Variants in CDH4 observed in about 807,000 individuals in gnomAD.
CDH4 encodes cadherin 4, also known as cadherin-4.
A neutral mutation model predicts 86.0 loss-of-function variants in CDH4; 33 were observed. The ratio of observed to expected loss-of-function variants is 0.38; its 90% CI spans 0.29 to 0.51. The LOEUF (loss-of-function observed/expected upper bound fraction) is 0.51, where lower values mean the gene tolerates loss of function less well. Ranked by LOEUF, CDH4 falls within the 20% of genes least tolerant of loss-of-function variation. The probability of loss-of-function intolerance (pLI) is 0.86; values close to 1 mark genes in which losing one functional copy is unlikely to be tolerated. For synonymous variants in CDH4, 555 were observed against 549.4 expected (o/e 1.01, Z -0.14); for missense variants, 1,114 against 1,307.4 (o/e 0.85, Z 2.28).
chr20:61,566,896 C>T (rs970664463), intron 2 of CDH4, among the ~76,000 whole-genome samples: 61 of 152,028 alleles, frequency 4.0e-4, no homozygotes, highest in African/African-American at 1.4e-3. Context: ...ACAGATAATG[C>T]GGGAATGGAC....
intron 7 of CDH4, among the ~76,000 whole-genome samples, chr20:61,878,128 C>G (rs1428193697): frequency 6.6e-6 from 1 of 152,076 alleles, no homozygotes; most frequent in Non-Finnish European, 1.5e-5. Context: ...AGCTAAGGCC[C>G]CATCGTGGCC....
At chr20:61,641,440 C>T (rs2087008517) in intron 2 of CDH4, among the ~76,000 whole-genome samples, 1 of 152,200 alleles carries the variant, frequency 6.6e-6, no homozygotes, top group Non-Finnish European at 1.5e-5. Context: ...CTTCTCCTCC[C>T]AACCCCCTGC....
intron 4 of CDH4, among the ~76,000 whole-genome samples, chr20:61,833,028 TG>T (rs1277260354): frequency 6.6e-6 from 1 of 151,832 alleles, no homozygotes; most frequent in Admixed American, 6.6e-5. Flanking sequence ...GTCTGAGGGG[TG>T]GGCTGAGCAA....
Position 61,807,454 on chromosome 20 carries a change from A to G in CDH4, c.576+34272A>G, listed in dbSNP as rs765850663. ...CGGAATTTGAGGCTATTCAAGTTCA[A>G]TGTGTTGGATTTGGAAATCTCCCTC... On this transcript the variant is annotated intron_variant, in intron 4 of 15. Transcript: ENST00000614565. The surrounding 1 kb of genome is among the most constrained non-coding windows in gnomAD (Gnocchi z 4.5). 2.0e-5 allele frequency among the ~76,000 whole-genome samples: 3 copies of G among 152,180 alleles called. No homozygotes were observed. The highest frequency in any genetic ancestry group is 6.5e-5 in the Admixed American group (1 of 15,290).
At chr20:61,826,757 A>C (rs148474167) in intron 4 of CDH4, among the ~76,000 whole-genome samples, 134 of 152,332 alleles carry the variant, frequency 8.8e-4, no homozygotes, top group African/African-American at 3.1e-3. Flanking sequence ...CTAGGATAGC[A>C]TTCACTCACC....
chr20:61,374,359 C>T (rs1419597447), intron 2 of CDH4, among the ~76,000 whole-genome samples: 3 of 152,100 alleles, frequency 2.0e-5, no homozygotes, highest in African/African-American at 4.8e-5. Context: ...CTAGGGCACC[C>T]CATCTTGGCA....
intron 2 of CDH4, among the ~76,000 whole-genome samples, chr20:61,363,886 G>A (rs1178421611): frequency 6.6e-6 from 1 of 152,194 alleles, no homozygotes; most frequent in Admixed American, 6.5e-5. Flanking sequence ...TGTGAAAGTG[G>A]TAACAGTAGA....
intron 2 of CDH4, among the ~76,000 whole-genome samples, chr20:61,524,042 G>A (rs1188998248): frequency 6.6e-6 from 1 of 152,200 alleles, no homozygotes; most frequent in African/African-American, 2.4e-5. Context: ...CTTCCCAAAA[G>A]CATGGCAGCC....
chr20:61,731,511 C>T (rs142664344), intron 2 of CDH4, among the ~76,000 whole-genome samples: 1 of 152,218 alleles, frequency 6.6e-6, no homozygotes, highest in Non-Finnish European at 1.5e-5. Context: ...CTGGGCAGGT[C>T]CCCCCCAGGT....
At chr20:61,443,210 C>T (rs1236131101) in intron 2 of CDH4, among the ~76,000 whole-genome samples, 1 of 152,226 alleles carries the variant, frequency 6.6e-6, no homozygotes, top group Non-Finnish European at 1.5e-5. Flanking sequence ...CCCCTGCACG[C>T]TTATTTGTCG....
intron 3 of CDH4, among the ~76,000 whole-genome samples, chr20:61,764,908 C>T (rs937546060): frequency 2.0e-5 from 3 of 152,226 alleles, no homozygotes; most frequent in Non-Finnish European, 2.9e-5. Context: ...CTGCTGCCGC[C>T]TCCGTAAATC....
rs1417624074 is a variant in CDH4 at position 61,568,894 on chromosome 20, T to G, written c.170-174669T>G. Reference sequence around the variant, plus strand: ...TCACTGCTTTCTCCCCCAATGAGAGTGGAAGAGGTGACTTTTCTGCTCAGT... The same window carrying G: ...TCACTGCTTTCTCCCCCAATGAGAGGGGAAGAGGTGACTTTTCTGCTCAGT... On this transcript the variant is annotated intron_variant, in intron 2 of 15. Transcript: ENST00000614565. 2.0e-5 allele frequency among the ~76,000 whole-genome samples: 3 copies of G among 151,968 alleles called. No homozygotes were observed. The East Asian group carries it at 5.8e-4, about 29-fold the overall frequency.
At chr20:61,590,870 A>T (rs997435329) in intron 2 of CDH4, among the ~76,000 whole-genome samples, 1 of 61,872 alleles carries the variant, frequency 1.6e-5, no homozygotes, top group African/African-American at 6.4e-5. Flanking sequence ...GTCTTCCCTA[A>T]ATCTATGGGG....
chr20:61,826,307 T>C (rs1165137859), intron 4 of CDH4, among the ~76,000 whole-genome samples: 1 of 152,270 alleles, frequency 6.6e-6, no homozygotes, highest in Admixed American at 6.5e-5. Flanking sequence ...CCCTCGGCCA[T>C]GCCAGCTAAG....
intron 2 of CDH4, among the ~76,000 whole-genome samples, chr20:61,523,244 C>T (rs983563829): frequency 1.3e-5 from 2 of 152,250 alleles, no homozygotes; most frequent in Admixed American, 6.5e-5. Flanking sequence ...GGCCTCATCT[C>T]AGGCCACGGC....
At chr20:61,885,299 C>G (rs1425728953) in intron 7 of CDH4, among the ~76,000 whole-genome samples, 1 of 152,202 alleles carries the variant, frequency 6.6e-6, no homozygotes, top group East Asian at 1.9e-4. Flanking sequence ...TTCTCCTCGA[C>G]TCCCTTACCC....
rs1568688461 is a variant in CDH4, at chr20:61,565,219, G to GCT, written c.170-178344_170-178343insCT. Reference sequence around the variant, plus strand: ...TGGTGGTGGTCGCGGTGCTCTCGGTGGTAGGTGGTGGTGGTGGTGGTGGCG... The same window carrying GCT: ...TGGTGGTGGTCGCGGTGCTCTCGGTGCTGTAGGTGGTGGTGGTGGTGGTGGCG... On this transcript the variant is annotated intron_variant, in intron 2 of 15. Transcript: ENST00000614565. 2.1e-4 allele frequency among the ~76,000 whole-genome samples: 5 copies of GCT among 23,352 alleles called. 1 individual carries two copies. The highest frequency in any genetic ancestry group is 4.5e-4 in the Non-Finnish European group (5 of 11,230). The allele number at this position is 23,352 out of a possible 152,430, so 15.3% of individuals were successfully genotyped here. A position where few individuals can be genotyped will look rare whatever the true frequency, so the allele number is the denominator to read the frequency against.
At chr20:61,683,969 A>G (rs1465497394) in intron 2 of CDH4, among the ~76,000 whole-genome samples, 1 of 152,194 alleles carries the variant, frequency 6.6e-6, no homozygotes, top group African/African-American at 2.4e-5. Context: ...TAGCCCCATC[A>G]CAACCACATC....
chr20:61,635,946 G>A (rs896014763), intron 2 of CDH4, among the ~76,000 whole-genome samples: 1 of 152,332 alleles, frequency 6.6e-6, no homozygotes, highest in East Asian at 1.9e-4. Context: ...CTTCCAGGGA[G>A]GGGCAGAGAG....
Sources: gnomAD v4.1 joint callset for allele counts (sites outside exome capture counted in the v4.1 genomes callset) on GRCh38, gnomAD v4.1.1 for gene constraint, Gnocchi (gnomAD v3.1) non-coding constraint, MANE v1.5 for transcripts, NCBI Gene and HGNC (gene_info 2026-07-23, HGNC 2026-07-21) for gene names.